Variants in SSU72 observed in about 807,000 individuals in gnomAD.
The protein encoded by SSU72 is SSU72 homolog, RNA polymerase II CTD phosphatase.
A neutral mutation model predicts 22.7 loss-of-function variants in SSU72; 12 were observed. That is an observed-to-expected ratio of 0.53 (90% CI 0.34 to 0.86). The LOEUF (loss-of-function observed/expected upper bound fraction) is 0.86. SSU72 is among the 40% of genes least tolerant of loss of function. The probability of loss-of-function intolerance (pLI) is 0.02; values close to 1 mark genes in which losing one functional copy is unlikely to be tolerated. For synonymous variants in SSU72, 116 were observed against 98.3 expected (o/e 1.18, Z -1.06); for missense variants, 151 against 249.8 (o/e 0.60, Z 2.67).
chr1:1,558,204 TAAAA>T (rs3073299), intron 2 of SSU72, among the ~76,000 whole-genome samples: 1 of 126,252 alleles, frequency 7.9e-6, no homozygotes, highest in Admixed American at 8.1e-5. Flanking sequence ...CTGTCTCAAT[TAAAA>T]AAAAAAAAAA....
At chr1:1,552,833 C>T (rs1642469555) in intron 2 of SSU72, among the ~76,000 whole-genome samples, 1 of 151,924 alleles carries the variant, frequency 6.6e-6, no homozygotes, top group South Asian at 2.1e-4. Context: ...CCAGCCTGGC[C>T]AATATGGCAA....
Position 1,551,085 on chromosome 1 carries a change from C to G in SSU72, c.225-6083G>C, listed in dbSNP as rs1324825851. Among the ~76,000 whole-genome samples the G allele has an allele frequency of 3.3e-5, 5 of 152,196 alleles. No individual in the cohort carries two copies. In the East Asian group the frequency reaches 9.7e-4, roughly 29 times the overall value. On this transcript the variant is annotated intron_variant, in intron 2 of 4. Transcript: ENST00000291386. Reference sequence around the variant, plus strand: ...CTTCCCCAGGCCAGCTGCACGGGGACCTTCCATGTGGGTTAAATGTCCACA... The same window carrying G: ...CTTCCCCAGGCCAGCTGCACGGGGAGCTTCCATGTGGGTTAAATGTCCACA...
chr1:1,544,814 C>A, intron 3 of SSU72, 49 bp downstream of exon 3: 1 of 1,613,338 alleles, frequency 6.2e-7, no homozygotes, highest in Non-Finnish European at 8.5e-7. Context: ...CATCCCCAGA[C>A]CCTGTGAGAG....
chr1:1,553,321 T>A (rs1272949979), intron 2 of SSU72, among the ~76,000 whole-genome samples: 1 of 152,128 alleles, frequency 6.6e-6, no homozygotes, highest in African/African-American at 2.4e-5. Flanking sequence ...ATTCCAGTTA[T>A]TTAGTTATTT....
chr1:1,559,580 CACT>C (rs950369407), intron 2 of SSU72, among the ~76,000 whole-genome samples: 4 of 152,286 alleles, frequency 2.6e-5, no homozygotes, highest in South Asian at 2.1e-4. Flanking sequence ...CAGGTATATA[CACT>C]ACTACTATTA....
intron 1 of SSU72, 101 bp from the exon 2 acceptor site, chr1:1,565,017 T>G: frequency 6.9e-7 from 1 of 1,440,836 alleles, no homozygotes; most frequent in South Asian, 1.4e-5. Context: ...AGTAATTTCA[T>G]TGGCTCATAG....
At position 1,542,768 on chromosome 1, in the gene SSU72, A is replaced by T. The variant is rs548989051; in HGVS notation, c.484-601T>A. Among the ~76,000 whole-genome samples, 1 of 152,172 alleles carries T rather than the reference A, an allele frequency of 6.6e-6. No individual in the cohort carries two copies. Among genetic ancestry groups the T allele is most frequent in the Admixed American group, 6.5e-5 (1 of 15,296 alleles). On this transcript the variant is annotated intron_variant, in intron 4 of 4. Transcript: ENST00000291386. This position sits in a 1 kb window ranked among gnomAD's most constrained non-coding sequence, Gnocchi z 4.4. ...CTCTGGCCAACGTGACCCAAGCAGA[A>T]ATCGTGCAATAACTTCTGGGACGAC...
At chr1:1,569,596 T>C (rs1263610689) in intron 1 of SSU72, among the ~76,000 whole-genome samples, 4 of 152,158 alleles carry the variant, frequency 2.6e-5, no homozygotes, top group Non-Finnish European at 5.9e-5. Flanking sequence ...CTCAACCTCT[T>C]GGGCTCAAGT....
chr1:1,568,977 G>A (rs1291226619), intron 1 of SSU72, among the ~76,000 whole-genome samples: 1 of 152,154 alleles, frequency 6.6e-6, no homozygotes, highest in Non-Finnish European at 1.5e-5. Flanking sequence ...GTTGAGACCA[G>A]CCTGGCCAAC....
chr1:1,561,989 G>A (rs2100717141), intron 2 of SSU72: 1 of 152,402 alleles, frequency 6.6e-6, no homozygotes, highest in Non-Finnish European at 1.5e-5. Flanking sequence ...TGCTTCCTGG[G>A]AGATCACCAA....
At chr1:1,564,518 C>T in intron 2 of SSU72, 1 of 1,528,132 alleles carries the variant, frequency 6.5e-7, no homozygotes, top group Non-Finnish European at 8.8e-7. Flanking sequence ...TATGTCACGA[C>T]CCTCTGCTGA....
chr1:1,543,284 A>T (rs1642346922), intron 4 of SSU72, among the ~76,000 whole-genome samples: 1 of 152,184 alleles, frequency 6.6e-6, no homozygotes, highest in East Asian at 1.9e-4. Flanking sequence ...CTCCAGGCTC[A>T]CGTGGGGCAC....
chr1:1,570,742 C>G (rs1263127522), intron 1 of SSU72, among the ~76,000 whole-genome samples: 2 of 152,218 alleles, frequency 1.3e-5, no homozygotes, highest in Non-Finnish European at 2.9e-5. Context: ...CCGATGCATG[C>G]GTGAACACAT....
Position 1,554,786 on chromosome 1 carries a change from C to T in SSU72, c.225-9784G>A, listed in dbSNP as rs1392006293. On this transcript the variant is annotated intron_variant, in intron 2 of 4. Transcript: ENST00000291386. This position sits in a 1 kb window ranked among gnomAD's most constrained non-coding sequence, Gnocchi z 4.1. ...ACGCTGGCCACAGGCACTGGAGCCA[C>T]GAAAGCAACAGCCCTGGGCAGCCCA... Among the ~76,000 whole-genome samples, 5 of 152,174 alleles carry T rather than the reference C, an allele frequency of 3.3e-5. No homozygotes were observed. Among genetic ancestry groups the T allele is most frequent in the African/African-American group, 7.2e-5 (3 of 41,440 alleles).
chr1:1,570,365 A>C (rs1642712908), intron 1 of SSU72, among the ~76,000 whole-genome samples: 1 of 151,780 alleles, frequency 6.6e-6, no homozygotes, highest in Non-Finnish European at 1.5e-5. Context: ...AAACCGAGAC[A>C]TGGAAGAACA....
intron 2 of SSU72, among the ~76,000 whole-genome samples, chr1:1,559,598 T>C (rs1004979747): frequency 1.3e-5 from 2 of 152,282 alleles, no homozygotes; most frequent in South Asian, 4.1e-4. Context: ...CTATTATTAC[T>C]ACCCTGGCTG....
At chr1:1,565,847 C>T (rs1642655132) in intron 1 of SSU72, among the ~76,000 whole-genome samples, 1 of 152,196 alleles carries the variant, frequency 6.6e-6, no homozygotes, top group Admixed American at 6.5e-5. Context: ...CTCTAGTTCA[C>T]GCAAGGAGAA....
intron 2 of SSU72, among the ~76,000 whole-genome samples, chr1:1,556,331 G>C (rs1027411456): frequency 2.3e-4 from 35 of 152,190 alleles, no homozygotes; most frequent in African/African-American, 8.2e-4. Flanking sequence ...TACTTGGGAA[G>C]CTGAGGCAGG....
At chr1:1,558,142 A>C (rs1388286263) in intron 2 of SSU72, among the ~76,000 whole-genome samples, 1 of 150,138 alleles carries the variant, frequency 6.7e-6, no homozygotes, top group Non-Finnish European at 1.5e-5. Flanking sequence ...CGGAGGTTGC[A>C]GTGAGCCAAG....
Sources: gnomAD v4.1 joint callset for allele counts (sites outside exome capture counted in the v4.1 genomes callset) on GRCh38, gnomAD v4.1.1 for gene constraint, Gnocchi (gnomAD v3.1) non-coding constraint, MANE v1.5 for transcripts, NCBI Gene and HGNC (gene_info 2026-07-23, HGNC 2026-07-21) for gene names.